The following JARID2 variants were observed in gnomAD, a reference collection of about 807,000 sequenced individuals.
JARID2 encodes jumonji and AT-rich interaction domain containing 2.
Under a neutral mutation model 125.6 loss-of-function variants are expected in JARID2, and 21 were observed. That is an observed-to-expected ratio of 0.17 (90% confidence interval 0.12 to 0.24). The LOEUF is 0.24. Among genes scored for constraint, JARID2 ranks in the 10% least tolerant of loss-of-function variants. JARID2 has a pLI of 1.00. For synonymous variants in JARID2, 736 were observed against 661.6 expected (o/e 1.11, Z -1.73); for missense variants, 1,303 against 1,639.6 (o/e 0.79, Z 3.55).
chr6:15,306,857 G>C (rs1023415434), intron 1 of JARID2, among the ~76,000 whole-genome samples: 4 of 149,118 alleles, frequency 2.7e-5, no homozygotes, highest in African/African-American at 9.8e-5. Context: ...CTTACCCATT[G>C]TACTTTGAAG....
chr6:15,346,312 A>G (rs922731402), intron 1 of JARID2, among the ~76,000 whole-genome samples: 1 of 152,236 alleles, frequency 6.6e-6, no homozygotes, highest in Non-Finnish European at 1.5e-5. Flanking sequence ...GGCAATCAGC[A>G]TTTAACTTTT....
At chr6:15,397,916 A>G (rs1044131861) in intron 2 of JARID2, among the ~76,000 whole-genome samples, 4 of 152,226 alleles carry the variant, frequency 2.6e-5, no homozygotes, top group Admixed American at 6.5e-5. Flanking sequence ...CATGAGAATC[A>G]TGGTGGAATA....
intron 2 of JARID2, among the ~76,000 whole-genome samples, chr6:15,402,181 G>A (rs1259014353): frequency 6.6e-6 from 1 of 152,188 alleles, no homozygotes; most frequent in Non-Finnish European, 1.5e-5. Context: ...AGGACACAAA[G>A]TTTGTGGAGC....
intron 1 of JARID2, among the ~76,000 whole-genome samples, chr6:15,285,814 A>G (rs764188916): frequency 1.3e-5 from 2 of 152,188 alleles, no homozygotes; most frequent in Non-Finnish European, 2.9e-5. Flanking sequence ...CTTGCAATAA[A>G]AGAATTTGGA....
At chr6:15,369,227 A>T in intron 1 of JARID2, 1 of 343,158 alleles carries the variant, frequency 2.9e-6, no homozygotes, top group Non-Finnish European at 6.1e-6. Flanking sequence ...GGTTAGAGAT[A>T]ACTTGCAATG....
intron 16 of JARID2, among the ~76,000 whole-genome samples, chr6:15,514,280 C>G (rs1171323641): frequency 6.6e-6 from 1 of 152,242 alleles, no homozygotes; most frequent in Non-Finnish European, 1.5e-5. Context: ...GGCTCCACAG[C>G]ACTACACACC....
chr6:15,246,749 C>T (rs1239451881), intron 1 of JARID2, among the ~76,000 whole-genome samples, 165 bp downstream of exon 1: 1 of 152,100 alleles, frequency 6.6e-6, no homozygotes, highest in East Asian at 1.9e-4. Context: ...TGGTGTCTGC[C>T]TAGTTTGGTT....
chr6:15,470,230 T>C (rs1164266327), intron 5 of JARID2, among the ~76,000 whole-genome samples: 2 of 148,086 alleles, frequency 1.4e-5, no homozygotes, highest in Admixed American at 1.3e-4. Context: ...AGAATGGGAG[T>C]CAGGAGATAT....
intron 6 of JARID2, among the ~76,000 whole-genome samples, chr6:15,490,819 A>T (rs946588011): frequency 8.5e-5 from 13 of 152,236 alleles, no homozygotes; most frequent in African/African-American, 2.9e-4. Flanking sequence ...TTAGTTTTCC[A>T]AGAGAGTCAT....
At chr6:15,419,933 A>C (rs1041339878) in intron 3 of JARID2, among the ~76,000 whole-genome samples, 1 of 152,166 alleles carries the variant, frequency 6.6e-6, no homozygotes, top group Admixed American at 6.5e-5. Flanking sequence ...TATTATTTCA[A>C]ATATTTTCGT....
chr6:15,255,226 TCTCGAGTAG>T (rs1314760196), intron 1 of JARID2, among the ~76,000 whole-genome samples: 1 of 146,440 alleles, frequency 6.8e-6, no homozygotes, highest in Non-Finnish European at 1.5e-5. Context: ...TGCCTCATCC[TCTCGAGTAG>T]CTGGGACTAC....
intron 5 of JARID2, among the ~76,000 whole-genome samples, chr6:15,486,690 C>T (rs1360309936): frequency 2.6e-5 from 4 of 152,188 alleles, no homozygotes; most frequent in Admixed American, 6.5e-5. Context: ...GTTCCATCAT[C>T]CCTTTCTTCA....
At chr6:15,515,217 T>TC (rs1771489466) in intron 16 of JARID2, among the ~76,000 whole-genome samples, 1 of 152,082 alleles carries the variant, frequency 6.6e-6, no homozygotes, top group South Asian at 2.1e-4. Flanking sequence ...TTTTTTTTTT[T>TC]TGTGGTAGAG....
chr6:15,304,440 C>G (rs1342320946), intron 1 of JARID2, among the ~76,000 whole-genome samples: 1 of 151,900 alleles, frequency 6.6e-6, no homozygotes, highest in Non-Finnish European at 1.5e-5. Context: ...TCCAGGCCAC[C>G]TCTCCCAGTC....
chr6:15,491,259 G>T (rs1770136659), intron 6 of JARID2, among the ~76,000 whole-genome samples: 2 of 152,212 alleles, frequency 1.3e-5, no homozygotes, highest in South Asian at 4.1e-4. Flanking sequence ...CCTTCAGTGG[G>T]AGGAGAGGTT....
chr6:15,512,253 A>G lies in JARID2; in HGVS notation c.2998A>G (p.Thr1000Ala). ...CAAAGAGGGGATCAAGGTGCACAGG[A>G]CCGTGCAGCAGAGTGGCCAGTTTGT... ...LCKEGIKVHR[T>A]VQQSGQFVVC... is the part of the protein sequence containing the mutation. The change falls in exon 14 of 18, where the codon ACC becomes GCC. Residue 1000 changes from threonine to alanine, a missense_variant. Transcript: ENST00000341776. 1 of 1,614,134 alleles carries G rather than the reference A, an allele frequency of 6.2e-7. No individual in the cohort carries two copies. Among genetic ancestry groups the G allele is most frequent in the Non-Finnish European group, 8.5e-7 (1 of 1,180,024 alleles).
chr6:15,436,782 T>G (rs993776037), intron 3 of JARID2, among the ~76,000 whole-genome samples: 1 of 152,032 alleles, frequency 6.6e-6, no homozygotes, highest in African/African-American at 2.4e-5. Flanking sequence ...TCTAGTGGTG[T>G]GGACTCCTGC....
chr6:15,461,880 A>G (rs1415982600), intron 4 of JARID2, among the ~76,000 whole-genome samples: 1 of 145,940 alleles, frequency 6.9e-6, no homozygotes, highest in Non-Finnish European at 1.5e-5. Context: ...CAGTGATGGT[A>G]TCTTTTTTTT....
intron 3 of JARID2, among the ~76,000 whole-genome samples, chr6:15,451,760 T>A (rs925994401): frequency 1.3e-5 from 2 of 152,188 alleles, no homozygotes; most frequent in Non-Finnish European, 2.9e-5. Flanking sequence ...TACACACATG[T>A]ATACACATGT....
Sources: gnomAD v4.1 joint callset for allele counts (sites outside exome capture counted in the v4.1 genomes callset) on GRCh38, gnomAD v4.1.1 for gene constraint, MANE v1.5 for transcripts, NCBI Gene and HGNC (gene_info 2026-07-23, HGNC 2026-07-21) for gene names.